STT3A: variants seen among roughly 807,000 people sequenced by gnomAD.
STT3A encodes the protein STT3 oligosaccharyltransferase complex catalytic subunit A, also known as dolichyl-diphosphooligosaccharide--protein glycosyltransferase subunit STT3A.
Under a neutral mutation model 89.2 loss-of-function variants are expected in STT3A, and 34 were observed. The observed-to-expected ratio is 0.38, with a 90% CI of 0.29 to 0.51. The LOEUF (loss-of-function observed/expected upper bound fraction) is 0.51. STT3A is among the 20% of genes least tolerant of loss of function. The pLI is 0.89. For missense variants in STT3A, 555 were observed against 889.5 expected, an observed-to-expected ratio of 0.62 and a Z score of 4.78; for synonymous variants, 282 against 310.3, an observed-to-expected ratio of 0.91 and a Z score of 0.96.
At chr11:125,607,127 C>A (rs1939864146) in intron 8 of STT3A, among the ~76,000 whole-genome samples, 1 of 152,114 alleles carries the variant, frequency 6.6e-6, no homozygotes, top group Non-Finnish European at 1.5e-5. Context: ...TTTTCACTTA[C>A]AGTACGGTAG....
At chr11:125,600,143 C>T (rs555402368) in intron 3 of STT3A, among the ~76,000 whole-genome samples, 11 of 151,144 alleles carry the variant, frequency 7.3e-5, no homozygotes, top group Admixed American at 5.3e-4. Flanking sequence ...CTCTGCCTCC[C>T]GGGTTCAAGC....
chr11:125,605,259 G>A (rs1939798585), intron 6 of STT3A, among the ~76,000 whole-genome samples: 1 of 152,076 alleles, frequency 6.6e-6, no homozygotes, highest in Admixed American at 6.6e-5. Context: ...TGGGGCATGA[G>A]TATTATATGT....
At position 125,606,400 on chromosome 11, in the gene STT3A, G is replaced by A; in HGVS notation, c.715G>A (p.Ala239Thr). The change falls in exon 8 of 18, where the codon GCC becomes ACC. Residue 239 changes from alanine to threonine, a missense_variant. Ala to Thr is a moderately conservative substitution (Grantham distance 58). Coordinates refer to ENST00000392708, the MANE Select transcript of STT3A (RefSeq NM_152713.5). ...TGRFSHRIYV[A>T]YCTVYCLGTI... ...CCGTTTCTCTCACCGGATCTATGTGGCCTACTGTACTGTTTACTGCCTGGG... is the reference window on the plus strand; with the variant it reads ...CCGTTTCTCTCACCGGATCTATGTGACCTACTGTACTGTTTACTGCCTGGG... 6.2e-7 allele frequency: 1 copy of A among 1,614,184 alleles called. No homozygotes were observed. The highest frequency in any genetic ancestry group is 1.1e-5 in the South Asian group (1 of 91,080).
At chr11:125,594,273 T>C (rs1008431861) in intron 1 of STT3A, among the ~76,000 whole-genome samples, 2 of 152,180 alleles carry the variant, frequency 1.3e-5, no homozygotes, top group African/African-American at 4.8e-5. Flanking sequence ...ACTTAGCTCT[T>C]GATCACCTTG....
Position 125,620,649 on chromosome 11 carries a change from A to T in STT3A, c.2080-123A>T, listed in dbSNP as rs1221838179. 3.7e-6 allele frequency: 3 copies of T among 820,978 alleles called. No homozygotes were observed. The African/African-American group carries it at 5.1e-5, about 14-fold the overall frequency. The allele number at this position is 820,978 out of a possible 1,614,324, so 50.9% of individuals were successfully genotyped here. ...CTCTAGTCAGTGCTTGTGTATTCAC[A>T]GCCCTAAACCAGGCTGCAGAACCCA... On this transcript the variant is annotated intron_variant, in intron 17 of 17. Coordinates refer to ENST00000392708, the MANE Select transcript of STT3A (RefSeq NM_152713.5).
chr11:125,592,726 C>T (rs777899492), upstream of STT3A: 6 of 297,304 alleles, frequency 2.0e-5, no homozygotes, highest in East Asian at 1.9e-4. Flanking sequence ...AAACTTGAAT[C>T]GCGGCCCGGT....
intron 1 of STT3A, among the ~76,000 whole-genome samples, chr11:125,594,048 A>T (rs953610046): frequency 6.6e-6 from 1 of 152,238 alleles, no homozygotes; most frequent in African/African-American, 2.4e-5. Flanking sequence ...GTATATTTTC[A>T]GATAGCTAGA....
In STT3A at chr11:125,597,135, T is replaced by C. The variant is rs202151592; in HGVS notation, c.149+16T>C. 7.9e-4 allele frequency: 1,270 copies of C among 1,613,870 alleles called. 1 individual carries two copies. The highest frequency in any genetic ancestry group is 1.0e-3 in the Non-Finnish European group (1,185 of 1,179,852). On this transcript the variant is annotated intron_variant, in intron 3 of 17. Transcript: ENST00000392708. ...AGTTTGATCCGTGAGTACCTTTGCT[T>C]GATCTGGTATTATTTCCTTTGGGAG... is the stretch of plus-strand genomic sequence containing the variant.
intron 17 of STT3A, 38 bp downstream of exon 17, chr11:125,620,164 T>C (rs757009720): frequency 2.4e-5 from 37 of 1,530,024 alleles, no homozygotes; most frequent in South Asian, 5.8e-5. Flanking sequence ...GCAACTTTTA[T>C]TTTTGGAGAT....
At chr11:125,611,371 C>T in intron 10 of STT3A, 57 bp from the exon 11 acceptor site, 1 of 1,366,382 alleles carries the variant, frequency 7.3e-7, no homozygotes, top group East Asian at 2.3e-5. Flanking sequence ...GATACTTTAC[C>T]TTGTAGGTTT....
intron 8 of STT3A, among the ~76,000 whole-genome samples, chr11:125,607,706 G>C (rs1229785626): frequency 6.6e-6 from 1 of 152,246 alleles, no homozygotes; most frequent in Non-Finnish European, 1.5e-5. Flanking sequence ...GGCAAAGAAT[G>C]ATTAAGTGCT....
At chr11:125,602,453 TAA>T in intron 4 of STT3A, 29 bp downstream of exon 4, 1 of 1,307,108 alleles carries the variant, frequency 7.7e-7, no homozygotes. Flanking sequence ...TTTTTTTTTT[TAA>T]AAAAAAAACA....
chr11:125,596,137 A>C (rs910623277), intron 2 of STT3A, 134 bp downstream of exon 2: 3 of 728,960 alleles, frequency 4.1e-6, no homozygotes, highest in East Asian at 5.3e-5. Flanking sequence ...TCATTAGTAT[A>C]ATTTTATGAA....
At chr11:125,592,245 CCCAGGT>C, upstream of STT3A, among the ~76,000 whole-genome samples, 1 of 152,144 alleles carries the variant, frequency 6.6e-6, no homozygotes, top group East Asian at 1.9e-4. Flanking sequence ...TGTCAAGGTT[CCCAGGT>C]CCATCGCAGT....
intron 3 of STT3A, among the ~76,000 whole-genome samples, chr11:125,598,654 A>AAG (rs1939573577): frequency 6.6e-6 from 1 of 152,100 alleles, no homozygotes; most frequent in Admixed American, 6.5e-5. Context: ...ACCCAAGCTG[A>AAG]AGTGCAGTGG....
intron 1 of STT3A, chr11:125,593,836 A>C (rs1433922064): frequency 6.6e-6 from 1 of 150,768 alleles, no homozygotes; most frequent in Non-Finnish European, 1.5e-5. Flanking sequence ...AGCATTCTAT[A>C]TGCCTTCCAC....
rs1424602219 is a variant in STT3A, at chr11:125,613,716, T to C, written c.1555-371T>C. Reference sequence around the variant, plus strand: ...TCATGTGATTTGAGTTTCCACCCCATCTTTATAGTAAGTGATTTTTGCAAT... The same window carrying C: ...TCATGTGATTTGAGTTTCCACCCCACCTTTATAGTAAGTGATTTTTGCAAT... On this transcript the variant is annotated intron_variant, in intron 13 of 17. Coordinates refer to ENST00000392708, the MANE Select transcript of STT3A (RefSeq NM_152713.5). The surrounding 1 kb of genome is among the most constrained non-coding windows in gnomAD (Gnocchi z 4.2). 1.1e-5 allele frequency: 2 copies of C among 179,020 alleles called. No individual in the cohort carries two copies. The highest frequency in any genetic ancestry group is 4.8e-5 in the African/African-American group (2 of 42,018). The allele number at this position is 179,020 out of a possible 1,614,324, so 11.1% of individuals were successfully genotyped here. A position where few individuals can be genotyped will look rare whatever the true frequency, so the allele number is the denominator to read the frequency against.
Position 125,613,891 on chromosome 11 carries a change from T to G in STT3A, c.1555-196T>G. 3.6e-6 allele frequency: 2 copies of G among 550,778 alleles called. No homozygotes were observed. Among genetic ancestry groups the G allele is most frequent in the Non-Finnish European group, 3.3e-6 (1 of 305,414 alleles). 34.1% of individuals were successfully genotyped at this position (550,778 alleles called of 1,614,324 possible). On this transcript the variant is annotated intron_variant, in intron 13 of 17. Transcript: ENST00000392708. This position sits in a 1 kb window ranked among gnomAD's most constrained non-coding sequence, Gnocchi z 4.2. ...GGGAATGTTGGTTTGTTATTTGTGC[T>G]GAGATTTTATAATTGTATATAAATG...
rs1368561695 is a variant in STT3A, at chr11:125,614,432, A to G, written c.1774+6A>G. Reference sequence around the variant, plus strand: ...CACTGGGTATTCCTCTGATGGTAATATACTTGATTCTGTTTCTAGCTGCAG... The same window carrying G: ...CACTGGGTATTCCTCTGATGGTAATGTACTTGATTCTGTTTCTAGCTGCAG... On this transcript the variant is annotated splice_donor_region_variant and intron_variant, in intron 15 of 17. Coordinates refer to ENST00000392708, the MANE Select transcript of STT3A (RefSeq NM_152713.5). The surrounding 1 kb of genome is among the most constrained non-coding windows in gnomAD (Gnocchi z 4.9). 2 of 1,612,238 alleles carry G rather than the reference A, an allele frequency of 1.2e-6. No homozygotes were observed. The highest frequency in any genetic ancestry group is 1.7e-6 in the Non-Finnish European group (2 of 1,178,540).
Sources: allele counts gnomAD v4.1 joint callset (sites outside exome capture counted in the v4.1 genomes callset), GRCh38; gene constraint gnomAD v4.1.1; non-coding constraint Gnocchi (gnomAD v3.1); transcripts MANE v1.5; gene names NCBI Gene and HGNC (gene_info 2026-07-23, HGNC 2026-07-21).